The following RGL1 variants were observed in gnomAD, a reference collection of about 807,000 sequenced individuals.
RGL1 encodes ral guanine nucleotide dissociation stimulator-like 1.
A neutral mutation model predicts 95.2 loss-of-function variants in RGL1; 24 were observed. That is an observed-to-expected ratio of 0.25 (90% CI 0.18 to 0.35). The LOEUF is 0.35. Ranked by LOEUF, RGL1 falls within the 10% of genes least tolerant of loss-of-function variation. The pLI is 1.00. For synonymous variants in RGL1, 329 were observed against 344.9 expected (o/e 0.95, Z 0.51); for missense variants, 715 against 936.3 (o/e 0.76, Z 3.08).
At chr1:183,762,182 C>A (rs111671817) in intron 2 of RGL1, among the ~76,000 whole-genome samples, 1 of 152,212 alleles carries the variant, frequency 6.6e-6, no homozygotes, top group Non-Finnish European at 1.5e-5. Flanking sequence ...CTTGGCTAAC[C>A]ATTTGGCACA....
intron 1 of RGL1, chr1:183,647,082 G>A (rs1003937570): frequency 2.0e-5 from 3 of 152,304 alleles, no homozygotes; most frequent in African/African-American, 7.2e-5. Context: ...GTCTGAGCTG[G>A]GGAAGATCAA....
At chr1:183,787,245 C>T (rs1347875752) in intron 2 of RGL1, among the ~76,000 whole-genome samples, 2 of 152,200 alleles carry the variant, frequency 1.3e-5, no homozygotes, top group Non-Finnish European at 2.9e-5. Flanking sequence ...TTGCATTGCT[C>T]TCTTCTTCAC....
At chr1:183,896,061 T>A (rs1343872147) in intron 9 of RGL1, among the ~76,000 whole-genome samples, 3 of 152,200 alleles carry the variant, frequency 2.0e-5, no homozygotes, top group African/African-American at 7.2e-5. Flanking sequence ...CCTCTGCCCA[T>A]AACTGACATA....
chr1:183,887,981 A>T (rs536306391), intron 7 of RGL1, among the ~76,000 whole-genome samples: 19 of 152,272 alleles, frequency 1.2e-4, no homozygotes, highest in Admixed American at 3.9e-4. Context: ...CCAAAGTTCA[A>T]CTTGTGGTGA....
intron 2 of RGL1, among the ~76,000 whole-genome samples, chr1:183,756,498 T>G (rs1190321673): frequency 2.0e-5 from 3 of 152,206 alleles, no homozygotes; most frequent in African/African-American, 7.2e-5. Context: ...GTGGGCACTG[T>G]GCAGTCAATG....
At chr1:183,659,754 G>A (rs1172971189) in intron 1 of RGL1, among the ~76,000 whole-genome samples, 2 of 151,350 alleles carry the variant, frequency 1.3e-5, no homozygotes, top group African/African-American at 4.9e-5. Context: ...ACACATAATT[G>A]TCAGATTCAC....
intron 2 of RGL1, among the ~76,000 whole-genome samples, chr1:183,810,839 AG>A (rs2102426974): frequency 1.3e-5 from 2 of 152,308 alleles, no homozygotes; most frequent in Admixed American, 1.3e-4. Flanking sequence ...GCTCTGGATG[AG>A]GCGTCCCTTC....
At chr1:183,916,072 A>G (rs1354997165) in intron 15 of RGL1, among the ~76,000 whole-genome samples, 5 of 152,216 alleles carry the variant, frequency 3.3e-5, no homozygotes, top group Non-Finnish European at 7.3e-5. Flanking sequence ...GACTGAATCA[A>G]CTGCGTTGGC....
intron 1 of RGL1, among the ~76,000 whole-genome samples, chr1:183,643,101 C>T (rs920494546): frequency 2.0e-4 from 31 of 152,040 alleles, no homozygotes; most frequent in Admixed American, 9.8e-4. Context: ...AATGGATTTC[C>T]TTCCTTTTTA....
intron 1 of RGL1, among the ~76,000 whole-genome samples, chr1:183,717,196 T>C (rs960576661): frequency 1.7e-4 from 26 of 152,326 alleles, no homozygotes; most frequent in African/African-American, 6.3e-4. Flanking sequence ...GAAAGAATTT[T>C]GTTAGTTCTT....
intron 2 of RGL1, among the ~76,000 whole-genome samples, chr1:183,840,255 G>T (rs1663952735): frequency 6.6e-6 from 1 of 152,180 alleles, no homozygotes; most frequent in Non-Finnish European, 1.5e-5. Context: ...GGAGGTTAGA[G>T]CAATATTTCC....
At chr1:183,660,204 A>T (rs1651507407) in intron 1 of RGL1, among the ~76,000 whole-genome samples, 1 of 152,198 alleles carries the variant, frequency 6.6e-6, no homozygotes, top group African/African-American at 2.4e-5. Context: ...TTCACCCATA[A>T]CAATATTAAT....
At chr1:183,675,848 TAAAAG>T (rs1652793724) in intron 1 of RGL1, among the ~76,000 whole-genome samples, 1 of 152,126 alleles carries the variant, frequency 6.6e-6, no homozygotes, top group Admixed American at 6.6e-5. Flanking sequence ...TGACCATCAT[TAAAAG>T]AGAAGAAAAA....
chr1:183,755,945 G>A (rs1328445677), intron 2 of RGL1, among the ~76,000 whole-genome samples: 14 of 150,764 alleles, frequency 9.3e-5, no homozygotes, highest in African/African-American at 2.4e-4. Context: ...GTGCAATGGC[G>A]CAATCTCGGC....
At chr1:183,822,579 A>G (rs1662563409) in intron 2 of RGL1, among the ~76,000 whole-genome samples, 1 of 152,180 alleles carries the variant, frequency 6.6e-6, no homozygotes, top group African/African-American at 2.4e-5. Context: ...GAGTTAGACT[A>G]AAAGATCGTC....
At chr1:183,746,659 T>A (rs1032188494) in intron 2 of RGL1, among the ~76,000 whole-genome samples, 3 of 151,672 alleles carry the variant, frequency 2.0e-5, no homozygotes, top group South Asian at 2.1e-4. Flanking sequence ...TATATTTTTT[T>A]AATATACTTT....
chr1:183,864,253 G>C (rs1665692326), intron 3 of RGL1, among the ~76,000 whole-genome samples: 1 of 152,150 alleles, frequency 6.6e-6, no homozygotes, highest in African/African-American at 2.4e-5. Context: ...CCAGTTGAAA[G>C]ATAAAAAGAT....
chr1:183,658,627 G>T (rs1005583488), intron 1 of RGL1, among the ~76,000 whole-genome samples: 14 of 152,052 alleles, frequency 9.2e-5, no homozygotes, highest in Non-Finnish European at 1.5e-4. Context: ...ACCTCTGGGG[G>T]CAGGGCACAG....
upstream of RGL1, among the ~76,000 whole-genome samples, chr1:183,800,182 A>AT (rs988704636): frequency 3.9e-5 from 6 of 152,176 alleles, no homozygotes; most frequent in Non-Finnish European, 8.8e-5. Context: ...TAATTTTTAT[A>AT]TTTTTTAATT....
Sources: gnomAD v4.1 joint callset for allele counts (sites outside exome capture counted in the v4.1 genomes callset) on GRCh38, gnomAD v4.1.1 for gene constraint, MANE v1.5 for transcripts, NCBI Gene and HGNC (gene_info 2026-07-23, HGNC 2026-07-21) for gene names.